The following ZNF248 variants were observed in gnomAD, a reference collection of about 807,000 sequenced individuals.
ZNF248 encodes the protein zinc finger protein 248.
Under a neutral mutation model 44.3 loss-of-function variants are expected in ZNF248, and 20 were observed. That is an observed-to-expected ratio of 0.45 (90% CI 0.32 to 0.66). ZNF248 has a LOEUF of 0.66. ZNF248 is among the 30% of genes least tolerant of loss of function. The pLI is 0.04. For synonymous variants in ZNF248, 224 were observed against 229.0 expected, an observed-to-expected ratio of 0.98 and a Z score of 0.20; for missense variants, 654 against 677.0, an observed-to-expected ratio of 0.97 and a Z score of 0.38.
chr10:37,819,994 C>A, intron 6 of ZNF248: 1 of 772,738 alleles, frequency 1.3e-6, no homozygotes. Flanking sequence ...GCTCTTATCT[C>A]TACATGCCAT....
chr10:37,804,101 C>CTTTTTTTTTT (rs59261731), intron 6 of ZNF248, among the ~76,000 whole-genome samples: 2 of 124,926 alleles, frequency 1.6e-5, no homozygotes, highest in South Asian at 2.5e-4. Context: ...TTTTCTTTTT[C>CTTTTTTTTTT]TTTTTTTTTT....
chr10:37,808,336 G>A (rs1262186995), intron 6 of ZNF248, among the ~76,000 whole-genome samples: 1 of 150,188 alleles, frequency 6.7e-6, no homozygotes, highest in Admixed American at 6.7e-5. Flanking sequence ...GGAGTGGAGT[G>A]CAGGGATGTG....
At chr10:37,789,361 T>C (rs1589093636) in intron 6 of ZNF248, among the ~76,000 whole-genome samples, 1 of 151,984 alleles carries the variant, frequency 6.6e-6, no homozygotes, top group African/African-American at 2.4e-5. Context: ...GAGTAATTTT[T>C]CAGACTCCAT....
In ZNF248 at chr10:37,857,585, G is replaced by T. The variant is rs2061523992; in HGVS notation, c.-526C>A. The T allele has an allele frequency of 6.6e-6, 1 of 152,282 alleles. No homozygotes were observed. Among genetic ancestry groups the T allele is most frequent in the South Asian group, 2.1e-4 (1 of 4,832 alleles). 9.4% of individuals were successfully genotyped at this position (152,282 alleles called of 1,614,324 possible). On this transcript the variant is annotated 5_prime_UTR_variant, in exon 1 of 6. Coordinates refer to ENST00000395867, the MANE Select transcript of ZNF248 (RefSeq NM_021045.3). ...GTCTAATTCATTTGTCGCGGACCTG[G>T]CGCAGTCGCTCTCCCCCGCAGCCCC...
downstream of ZNF248, among the ~76,000 whole-genome samples, chr10:37,772,709 G>A (rs763358270): frequency 2.6e-5 from 4 of 152,162 alleles, no homozygotes; most frequent in African/African-American, 4.8e-5. Context: ...CTTTAGTCAC[G>A]TATTTGCTCC....
intron 6 of ZNF248, among the ~76,000 whole-genome samples, chr10:37,781,677 CT>C (rs2047337624): frequency 6.6e-6 from 1 of 152,132 alleles, no homozygotes; most frequent in Admixed American, 6.5e-5. Flanking sequence ...AACTGGCTAC[CT>C]TTTTATGTAT....
At chr10:37,790,434 C>A (rs1007019828) in intron 6 of ZNF248, among the ~76,000 whole-genome samples, 15 of 151,744 alleles carry the variant, frequency 9.9e-5, no homozygotes, top group African/African-American at 3.6e-4. Context: ...AAAGTTAGGC[C>A]GGGCACAGTG....
At position 37,832,258 on chromosome 10, in the gene ZNF248, T is replaced by C. The variant is rs1355850259; in HGVS notation, c.1097A>G (p.His366Arg). ...GTGAGCTCTCCGAAGCTGGGTAAGATGTGACTTCTTGCTGAAATTACTCCC... is the reference window on the plus strand; with the variant it reads ...GTGAGCTCTCCGAAGCTGGGTAAGACGTGACTTCTTGCTGAAATTACTCCC... ...ENGSNFSKKS[H>R]LTQLRRAHTG... The change falls in exon 6 of 6, where the codon CAT (histidine) becomes CGT (arginine). Residue 366 changes from histidine to arginine, a missense_variant. Coordinates refer to ENST00000395867, the MANE Select transcript of ZNF248 (RefSeq NM_021045.3). 1.2e-6 allele frequency: 2 copies of C among 1,613,976 alleles called. No individual in the cohort carries two copies. Among genetic ancestry groups the C allele is most frequent in the Middle Eastern group, 1.6e-4 (1 of 6,082 alleles).
the ZNF248 span, among the ~76,000 whole-genome samples, chr10:37,760,739 C>G: frequency 6.6e-6 from 1 of 152,016 alleles, no homozygotes; most frequent in African/African-American, 2.4e-5. Flanking sequence ...GGGGCCGAGG[C>G]AGGAGAATTG....
chr10:37,786,943 T>G (rs907396836), intron 6 of ZNF248, among the ~76,000 whole-genome samples: 4 of 152,170 alleles, frequency 2.6e-5, no homozygotes, highest in Admixed American at 6.5e-5. Context: ...CAAAACAATC[T>G]TGAAAGAGAA....
At chr10:37,857,813 T>G (rs1590097648), upstream of ZNF248, 1 of 152,468 alleles carries the variant, frequency 6.6e-6, no homozygotes, top group Admixed American at 6.5e-5. Context: ...ACTGGACGCA[T>G]ACGGACCCCC....
Position 37,832,594 on chromosome 10 carries a change from C to T in ZNF248, c.761G>A (p.Ser254Asn), listed in dbSNP as rs556979147. Residue 254 changes from serine (S) to asparagine (N), a missense_variant, in exon 6 of 6, where the codon AGT becomes AAT. By Grantham distance (46) the Ser-to-Asn change is conservative. Transcript: ENST00000395867. ...YNECGRTFIE[S>N]LKLNISQRPH... ...TCTTTGAGATATATTCAGCTTTAAA[C>T]TTTCAATGAAGGTTCTTCCACATTC... 3.1e-6 allele frequency: 5 copies of T among 1,613,662 alleles called. No homozygotes were observed. The East Asian group carries it at 1.1e-4, about 36-fold the overall frequency.
chr10:37,853,715 G>GA (rs1230243872), intron 3 of ZNF248, among the ~76,000 whole-genome samples: 2 of 148,722 alleles, frequency 1.3e-5, no homozygotes, highest in East Asian at 2.0e-4. Flanking sequence ...AAAAAGAAAA[G>GA]AAAAAAAAAG....
chr10:37,847,685 T>G (rs1589895614), intron 3 of ZNF248, among the ~76,000 whole-genome samples: 1 of 152,084 alleles, frequency 6.6e-6, no homozygotes, highest in Non-Finnish European at 1.5e-5. Context: ...ATATTAAAAG[T>G]TAAGAAAAAG....
chr10:37,793,227 C>T (rs942097620), intron 6 of ZNF248, among the ~76,000 whole-genome samples: 3 of 151,782 alleles, frequency 2.0e-5, no homozygotes, highest in South Asian at 2.1e-4. Context: ...CCCAGCTACT[C>T]GGGAGGCTGA....
intron 6 of ZNF248, chr10:37,794,761 G>C (rs571692089): frequency 6.2e-6 from 1 of 160,244 alleles, no homozygotes; most frequent in South Asian, 1.9e-4. Flanking sequence ...TCCCATGTGT[G>C]TTCTCTGATG....
At chr10:37,821,180 C>T (rs1373074956) in intron 6 of ZNF248, among the ~76,000 whole-genome samples, 3 of 150,996 alleles carry the variant, frequency 2.0e-5, no homozygotes, top group Non-Finnish European at 4.4e-5. Flanking sequence ...AGAGTTTTGT[C>T]TGTTTCATCT....
chr10:37,835,732 C>A (rs117303501), intron 5 of ZNF248, among the ~76,000 whole-genome samples: 4,044 of 152,228 alleles, frequency 0.027, 68 homozygotes, highest in Non-Finnish European at 0.038. Context: ...CCATATGTGG[C>A]CTGCCAAGCC....
chr10:37,839,453 A>T (rs1452375599), intron 3 of ZNF248, among the ~76,000 whole-genome samples: 2 of 149,282 alleles, frequency 1.3e-5, no homozygotes, highest in African/African-American at 4.9e-5. Context: ...ATCCTAGGAC[A>T]TCATTAATAA....
Sources: allele counts gnomAD v4.1 joint callset (sites outside exome capture counted in the v4.1 genomes callset), GRCh38; gene constraint gnomAD v4.1.1; transcripts MANE v1.5; gene names NCBI Gene and HGNC (gene_info 2026-07-23, HGNC 2026-07-21).